Variants in NEK10 observed in about 807,000 individuals in gnomAD.
NEK10 encodes serine/threonine-protein kinase Nek10.
In NEK10, 122 loss-of-function variants were observed where a neutral mutation model predicts 159.8. That is an observed-to-expected ratio of 0.76 (90% CI 0.66 to 0.89). The LOEUF is 0.89. NEK10 is among the 40% of genes least tolerant of loss of function. NEK10 has a pLI of 0.00. For missense variants in NEK10, 1,342 were observed against 1,323.1 expected, an observed-to-expected ratio of 1.01 and a Z score of -0.22; for synonymous variants, 466 against 457.1, an observed-to-expected ratio of 1.02 and a Z score of -0.25.
intron 32 of NEK10, among the ~76,000 whole-genome samples, chr3:27,125,400 TA>T (rs1420013465): frequency 4.6e-5 from 7 of 152,126 alleles, no homozygotes; most frequent in African/African-American, 1.7e-4. Flanking sequence ...GAGCCAAACA[TA>T]AATAAAATGA....
chr3:27,242,963 A>T (rs1226314056), intron 23 of NEK10, among the ~76,000 whole-genome samples: 1 of 152,248 alleles, frequency 6.6e-6, no homozygotes, highest in Non-Finnish European at 1.5e-5. Flanking sequence ...TTAACATTTT[A>T]AAATCTTTAT....
In NEK10 at chr3:27,207,653, G is replaced by T. The variant is rs1215400716; in HGVS notation, c.2091-5096C>A. ...AGGTAAAGAGAGAAAAGGGATTTCTGCATCCCACTGCAATGTGTTAATTCT... is the reference window on the plus strand; with the variant it reads ...AGGTAAAGAGAGAAAAGGGATTTCTTCATCCCACTGCAATGTGTTAATTCT... On this transcript the variant is annotated intron_variant, in intron 23 of 35. Coordinates refer to ENST00000691995, the MANE Select transcript of NEK10 (RefSeq NM_001394966.1). Among the ~76,000 whole-genome samples, 6 of 152,206 alleles carry T rather than the reference G, an allele frequency of 3.9e-5. No individual in the cohort carries two copies. In the East Asian group the frequency reaches 1.2e-3, roughly 29 times the overall value.
At chr3:27,204,315 T>TTTTGTTTTGTTTTG (rs1950323266) in intron 23 of NEK10, among the ~76,000 whole-genome samples, 2 of 113,262 alleles carry the variant, frequency 1.8e-5, no homozygotes, top group African/African-American at 3.0e-5. Context: ...TTTTTTTTTT[T>TTTTGTTTTGTTTTG]TTTTTTATTA....
intron 23 of NEK10, among the ~76,000 whole-genome samples, chr3:27,248,563 T>G (rs769156269): frequency 1.2e-4 from 18 of 152,194 alleles, no homozygotes; most frequent in Non-Finnish European, 2.4e-4. Context: ...GTGTTTCCAT[T>G]ATTATTTGTT....
At chr3:27,210,370 G>A (rs1387272454) in intron 23 of NEK10, among the ~76,000 whole-genome samples, 1 of 152,048 alleles carries the variant, frequency 6.6e-6, no homozygotes, top group African/African-American at 2.4e-5. Flanking sequence ...CTTAATCCAT[G>A]AATGGATCCT....
intron 5 of NEK10, among the ~76,000 whole-genome samples, chr3:27,324,310 G>A (rs1211957429): frequency 6.6e-6 from 1 of 152,206 alleles, no homozygotes; most frequent in Non-Finnish European, 1.5e-5. Flanking sequence ...CACATCAGTT[G>A]TTGAGGATAC....
rs571446264 is a variant in NEK10 at position 27,108,320 on chromosome 3, G to C, written c.*2952C>G. On this transcript the variant is annotated 3_prime_UTR_variant, in exon 36 of 36. Coordinates refer to ENST00000691995, the MANE Select transcript of NEK10 (RefSeq NM_001394966.1). The stretch of plus-strand genomic sequence containing the variant: ...ATTCATCCACAAGCAGTGGGTCCAA[G>C]TGTCCACGTCACTATTCCCTTGAAG... Among the ~76,000 whole-genome samples, 1 of 152,206 alleles carries C rather than the reference G, an allele frequency of 6.6e-6. No individual in the cohort carries two copies. The highest frequency in any genetic ancestry group is 6.5e-5 in the Admixed American group (1 of 15,288).
At chr3:27,287,501 T>C (rs146917322) in intron 20 of NEK10, among the ~76,000 whole-genome samples, 197 bp downstream of exon 20, 10 of 152,360 alleles carry the variant, frequency 6.6e-5, no homozygotes, top group African/African-American at 2.2e-4. Flanking sequence ...CTAAGTATTT[T>C]ATAACTATCT....
intron 25 of NEK10, chr3:27,193,966 C>A (rs903002295): frequency 1.3e-5 from 2 of 151,986 alleles, no homozygotes; most frequent in Admixed American, 6.6e-5. Flanking sequence ...TGAATAAATC[C>A]ACAAACAAAC....
At chr3:27,276,910 C>T (rs998767710) in intron 22 of NEK10, among the ~76,000 whole-genome samples, 1 of 152,162 alleles carries the variant, frequency 6.6e-6, no homozygotes, top group Non-Finnish European at 1.5e-5. Flanking sequence ...AATCCTCTCC[C>T]TTTCTCATCT....
intron 29 of NEK10, among the ~76,000 whole-genome samples, chr3:27,166,858 G>T (rs1031661801): frequency 2.6e-5 from 4 of 152,114 alleles, no homozygotes; most frequent in African/African-American, 9.7e-5. Context: ...TACTAGGGAG[G>T]CTGGGGCAGG....
At chr3:27,116,425 A>T (rs1281752437) in intron 33 of NEK10, among the ~76,000 whole-genome samples, 1 of 152,108 alleles carries the variant, frequency 6.6e-6, no homozygotes, top group African/African-American at 2.4e-5. Context: ...TGTTAAGGGC[A>T]AGTGAGGGGT....
intron 5 of NEK10, among the ~76,000 whole-genome samples, chr3:27,329,424 G>A (rs1248431548): frequency 2.0e-5 from 3 of 152,186 alleles, no homozygotes; most frequent in East Asian, 1.9e-4. Flanking sequence ...GCTGTTTGGG[G>A]ATTGGTTGAT....
chr3:27,322,107 G>A (rs2045681659), intron 6 of NEK10, 70 bp downstream of exon 6: 17 of 786,730 alleles, frequency 2.2e-5, no homozygotes, highest in Non-Finnish European at 2.1e-6. Context: ...CTACTTCAAA[G>A]AAAAGCCCAC....
intron 1 of NEK10, among the ~76,000 whole-genome samples, chr3:27,368,002 G>T (rs1047552591): frequency 2.0e-5 from 3 of 152,110 alleles, no homozygotes; most frequent in Admixed American, 2.0e-4. Flanking sequence ...GTTTTAAAAA[G>T]ATCAGTTTAG....
At chr3:27,187,919 TC>T (rs1948768746) in intron 26 of NEK10, among the ~76,000 whole-genome samples, 1 of 152,162 alleles carries the variant, frequency 6.6e-6, no homozygotes, top group Non-Finnish European at 1.5e-5. Flanking sequence ...CCAGCCTACT[TC>T]CCCAGGCTTT....
intron 1 of NEK10, among the ~76,000 whole-genome samples, chr3:27,367,179 A>G (rs2049158846): frequency 6.6e-6 from 1 of 152,204 alleles, no homozygotes; most frequent in African/African-American, 2.4e-5. Flanking sequence ...TGAATTATGT[A>G]CATATAATCT....
At chr3:27,333,784 CCAG>C (rs1412156922) in intron 5 of NEK10, among the ~76,000 whole-genome samples, 1 of 152,120 alleles carries the variant, frequency 6.6e-6, no homozygotes, top group Non-Finnish European at 1.5e-5. Flanking sequence ...ATCCTGGAAG[CCAG>C]CAGTGCTGGG....
chr3:27,352,356 A>G, intron 3 of NEK10, 109 bp downstream of exon 3: 2 of 750,980 alleles, frequency 2.7e-6, no homozygotes, highest in Non-Finnish European at 4.7e-6. Flanking sequence ...AGATGTGAAT[A>G]ATGAGCAAAG....
Sources: gnomAD v4.1 joint callset for allele counts (sites outside exome capture counted in the v4.1 genomes callset) on GRCh38, gnomAD v4.1.1 for gene constraint, MANE v1.5 for transcripts, NCBI Gene and HGNC (gene_info 2026-07-23, HGNC 2026-07-21) for gene names.